BRSK2: variants seen among roughly 807,000 people sequenced by gnomAD.
The protein encoded by BRSK2 is serine/threonine-protein kinase BRSK2.
BRSK2 carries 19 observed loss-of-function variants against 83.3 expected under a neutral mutation model. The ratio of observed to expected loss-of-function variants is 0.23; its 90% CI spans 0.16 to 0.33. BRSK2 has a LOEUF of 0.33. BRSK2 is among the 10% of genes least tolerant of loss of function. The pLI, the probability that BRSK2 is intolerant of heterozygous loss-of-function variation, is 1.00. For missense variants in BRSK2, 798 were observed against 1,042.3 expected (o/e 0.77, Z 3.23); for synonymous variants, 519 against 435.4 (o/e 1.19, Z -2.39).
At chr11:1,444,840 C>T (rs1851798177) in intron 8 of BRSK2, 131 bp from the exon 9 acceptor site, 1 of 799,466 alleles carries the variant, frequency 1.3e-6, no homozygotes, top group African/African-American at 1.7e-5. Flanking sequence ...CCCACCTTCC[C>T]CCCACTCACT....
chr11:1,459,158 ACTCC>A lies in BRSK2; in HGVS notation c.1940-25_1940-22del, dbSNP rs1590724256. 2.5e-6 allele frequency: 4 copies of A among 1,602,524 alleles called. No individual in the cohort carries two copies. In the East Asian group the frequency reaches 9.0e-5, roughly 36 times the overall value. Reference sequence around the variant, plus strand: ...GAAGGCCCAGGACAGCCTTTCACTCACTCCCTCCCTCCTCTCTCCATTCTGTACT... The same window carrying A: ...GAAGGCCCAGGACAGCCTTTCACTCACTCCCTCCTCTCTCCATTCTGTACT... On this transcript the variant is annotated intron_variant, in intron 18 of 19. Coordinates refer to ENST00000528841, the MANE Select transcript of BRSK2 (RefSeq NM_001256627.2).
chr11:1,442,109 C>T (rs1851419527), intron 4 of BRSK2, among the ~76,000 whole-genome samples: 1 of 150,794 alleles, frequency 6.6e-6, no homozygotes, highest in African/African-American at 2.4e-5. Flanking sequence ...AAGTTTTCTG[C>T]CTGGCACCCA....
chr11:1,447,462 G>T (rs967169288), intron 12 of BRSK2, among the ~76,000 whole-genome samples: 1 of 152,214 alleles, frequency 6.6e-6, no homozygotes, highest in East Asian at 1.9e-4. Context: ...GCCTCTGGAA[G>T]GCCACTAGTC....
intron 18 of BRSK2, among the ~76,000 whole-genome samples, chr11:1,458,037 G>C (rs1213288200): frequency 6.6e-6 from 1 of 152,186 alleles, no homozygotes; most frequent in Non-Finnish European, 1.5e-5. Flanking sequence ...CTGGCTCTCT[G>C]AGCCTTGAAA....
intron 1 of BRSK2, among the ~76,000 whole-genome samples, chr11:1,434,285 G>C (rs1204672307): frequency 6.6e-6 from 1 of 152,218 alleles, no homozygotes; most frequent in Non-Finnish European, 1.5e-5. Flanking sequence ...GGGAATGCCA[G>C]CCAGGATCTG....
intron 1 of BRSK2, chr11:1,411,480 C>A: frequency 6.7e-7 from 1 of 1,481,578 alleles, no homozygotes; most frequent in Non-Finnish European, 8.9e-7. Flanking sequence ...CCTCTGCTCC[C>A]CAAGAGAGCC....
chr11:1,428,763 CGA>C (rs373291075), intron 1 of BRSK2, among the ~76,000 whole-genome samples: 47 of 152,218 alleles, frequency 3.1e-4, no homozygotes, highest in African/African-American at 8.2e-4. Flanking sequence ...GGTATGTGCA[CGA>C]GTGTGTGTGC....
At chr11:1,456,858 CCT>C in intron 18 of BRSK2, 171 bp downstream of exon 18, 2 of 1,407,696 alleles carry the variant, frequency 1.4e-6, no homozygotes, top group Non-Finnish European at 1.9e-6. Flanking sequence ...GAGCAGAGCC[CCT>C]CCCTGGCCTG....
chr11:1,407,712 C>G (rs1398208073), intron 1 of BRSK2, among the ~76,000 whole-genome samples: 1 of 152,260 alleles, frequency 6.6e-6, no homozygotes, highest in Non-Finnish European at 1.5e-5. Flanking sequence ...TCGGGCTAAT[C>G]TTTCAATATT....
rs112187940 is a variant in BRSK2, at chr11:1,426,098, AAC to A, written c.92-9939_92-9938del. Among the ~76,000 whole-genome samples the A allele has an allele frequency of 1.4e-3, 216 of 152,346 alleles. 1 individual carries two copies. The highest frequency in any genetic ancestry group is 4.7e-3 in the African/African-American group (194 of 41,584). On this transcript the variant is annotated intron_variant, in intron 1 of 19. Transcript: ENST00000528841. ...CTGTGCGCGCCCATTCAGGAAAGCA[AAC>A]ACCAGCACACACCGGTCCCTGTGGG...
rs1590739108 is a variant in BRSK2 at position 1,460,548 on chromosome 11, A to T, written c.2036A>T (p.Asp679Val). 2 of 1,524,728 alleles carry T rather than the reference A, an allele frequency of 1.3e-6. No individual in the cohort carries two copies. The highest frequency in any genetic ancestry group is 2.8e-5 in the African/African-American group (2 of 70,488). The allele number at this position is 1,524,728 out of a possible 1,614,324, so 94.4% of individuals were successfully genotyped here. The change falls in exon 20 of 20, where the codon GAC (aspartate) becomes GTC (valine). Residue 679 changes from aspartate to valine, a missense_variant. Asp to Val is a radical substitution (Grantham distance 152, BLOSUM62 -3). Coordinates refer to ENST00000528841, the MANE Select transcript of BRSK2 (RefSeq NM_001256627.2). ...GACGTAATTAAACAACTTTTTTCAG[A>T]CGAGAAGAACGGGCAGGCGGCCCAG... is the stretch of plus-strand genomic sequence containing the variant. ...FFDVIKQLFSDEKNGQAAQAP... is the reference protein window; with the variant it reads ...FFDVIKQLFSVEKNGQAAQAP...
At chr11:1,428,862 G>T (rs991376856) in intron 1 of BRSK2, among the ~76,000 whole-genome samples, 6 of 152,060 alleles carry the variant, frequency 3.9e-5, no homozygotes, top group African/African-American at 1.4e-4. Flanking sequence ...TGCGTACTGT[G>T]TGTGCATGGG....
At chr11:1,415,271 T>C (rs1448270024) in intron 1 of BRSK2, among the ~76,000 whole-genome samples, 1 of 151,974 alleles carries the variant, frequency 6.6e-6, no homozygotes, top group Non-Finnish European at 1.5e-5. Flanking sequence ...ATTTTTTGTA[T>C]TTTTAGTAGA....
chr11:1,395,599 C>T (rs1174863858), intron 1 of BRSK2, among the ~76,000 whole-genome samples: 1 of 152,190 alleles, frequency 6.6e-6, no homozygotes, highest in South Asian at 2.1e-4. Flanking sequence ...CTTGTCCTGT[C>T]CCCACCCACT....
intron 1 of BRSK2, among the ~76,000 whole-genome samples, chr11:1,417,867 CCTG>C: frequency 6.9e-6 from 1 of 145,688 alleles, no homozygotes; most frequent in East Asian, 2.2e-4. Flanking sequence ...TCACCTGTGT[CCTG>C]CTTCTGTGGG....
chr11:1,438,522 C>T lies in BRSK2; in HGVS notation c.272+131C>T. ...GCCTGCTGCATCCCAGCAGCCCTGGCCCTGCTAGCATGAACACCTGCCTGG... is the reference window on the plus strand; with the variant it reads ...GCCTGCTGCATCCCAGCAGCCCTGGTCCTGCTAGCATGAACACCTGCCTGG... On this transcript the variant is annotated intron_variant, in intron 3 of 19. Transcript: ENST00000528841. This position sits in a 1 kb window ranked among gnomAD's most constrained non-coding sequence, Gnocchi z 6.4. The T allele has an allele frequency of 2.5e-6, 2 of 789,024 alleles. No homozygotes were observed. Among genetic ancestry groups the T allele is most frequent in the South Asian group, 1.6e-5 (1 of 60,908 alleles). The allele number at this position is 789,024 out of a possible 1,614,324, so 48.9% of individuals were successfully genotyped here. A position where few individuals can be genotyped will look rare whatever the true frequency, so the allele number is the denominator to read the frequency against.
At chr11:1,457,314 A>G (rs905848134) in intron 18 of BRSK2, among the ~76,000 whole-genome samples, 1 of 152,152 alleles carries the variant, frequency 6.6e-6, no homozygotes, top group Non-Finnish European at 1.5e-5. Context: ...TCATCTCTCC[A>G]TACTTCCTGA....
At chr11:1,404,219 G>A (rs1369890418) in intron 1 of BRSK2, among the ~76,000 whole-genome samples, 3 of 152,170 alleles carry the variant, frequency 2.0e-5, no homozygotes, top group African/African-American at 4.8e-5. Context: ...CCAGCTGCCC[G>A]CAATCTGGGT....
In BRSK2 at chr11:1,462,116, A is replaced by C. The variant is rs968424402; in HGVS notation, c.*1393A>C. On this transcript the variant is annotated 3_prime_UTR_variant, in exon 20 of 20. Coordinates refer to ENST00000528841, the MANE Select transcript of BRSK2 (RefSeq NM_001256627.2). ...AAAATGAAAAAATTGAAAAAAAAGG[A>C]CAAAGAGTCGGTGGCGCTCCTCTGC... The C allele has an allele frequency of 1.3e-5, 2 of 152,110 alleles. No homozygotes were observed. Among genetic ancestry groups the C allele is most frequent in the African/African-American group, 4.8e-5 (2 of 41,416 alleles). 9.4% of individuals were successfully genotyped at this position (152,110 alleles called of 1,614,324 possible). A position where few individuals can be genotyped will look rare whatever the true frequency, so the allele number is the denominator to read the frequency against.
Sources: allele counts gnomAD v4.1 joint callset (sites outside exome capture counted in the v4.1 genomes callset), GRCh38; gene constraint gnomAD v4.1.1; non-coding constraint Gnocchi (gnomAD v3.1); transcripts MANE v1.5; gene names NCBI Gene and HGNC (gene_info 2026-07-23, HGNC 2026-07-21).